The following CES3 variants were observed in gnomAD, a reference collection of about 807,000 sequenced individuals.
CES3 encodes the protein carboxylesterase 3 (brain).
Under a neutral mutation model 57.6 loss-of-function variants are expected in CES3, and 49 were observed. The observed-to-expected ratio is 0.85, with a 90% CI of 0.68 to 1.08. The LOEUF (loss-of-function observed/expected upper bound fraction) is 1.08. Among genes scored for constraint, CES3 ranks in the 50% least tolerant of loss-of-function variants. CES3 has a pLI of 0.00. For synonymous variants in CES3, 266 were observed against 281.6 expected (o/e 0.94, Z 0.55); for missense variants, 645 against 742.0 (o/e 0.87, Z 1.52).
Position 66,963,342 on chromosome 16 carries a change from GC to G in CES3, c.249del (p.Trp84GlyfsTer21), listed in dbSNP as rs1567555223. ...DRFSAPHPAQ[P>X]WEGVRDASTA... The stretch of plus-strand genomic sequence containing the variant: ...GGTTCTCAGCCCCACACCCAGCACA[GC>G]CCTGGGAGGGTGTGCGGGATGCCAG... On this transcript the variant is annotated frameshift_variant, in exon 2 of 13. Transcript: ENST00000303334. LOFTEE classifies it high-confidence loss of function. The surrounding 1 kb of genome is among the most constrained non-coding windows in gnomAD (Gnocchi z 4.9). 6.2e-7 allele frequency: 1 copy of G among 1,613,428 alleles called. No individual in the cohort carries two copies. Among genetic ancestry groups the G allele is most frequent in the East Asian group, 2.2e-5 (1 of 44,878 alleles).
In CES3 at chr16:66,971,328, G is replaced by C. The variant is rs746285692; in HGVS notation, c.1291+9G>C. 6.2e-7 allele frequency: 1 copy of C among 1,610,368 alleles called. No individual in the cohort carries two copies. Among genetic ancestry groups the C allele is most frequent in the South Asian group, 1.1e-5 (1 of 90,616 alleles). ...TTCAAGATACCTTCGAGGTAAGCCT[G>C]TCCCTGGCCACCTGCCCAACCCCTC... On this transcript the variant is annotated intron_variant, in intron 10 of 12. Coordinates refer to ENST00000303334, the MANE Select transcript of CES3 (RefSeq NM_024922.6).
At chr16:66,970,105 CTTTG>C (rs1320414781) in intron 9 of CES3, among the ~76,000 whole-genome samples, 19 of 143,298 alleles carry the variant, frequency 1.3e-4, no homozygotes, top group African/African-American at 4.9e-4. Flanking sequence ...CTTTTCTTTT[CTTTG>C]TTTTTTTTTT....
chr16:66,966,282 G>T lies in CES3; in HGVS notation c.858G>T (p.Pro286=). ...ANTLACSSSS[P]AEMVQCLQQK... is the part of the protein sequence containing the mutation. ...CCTTGGCCTGCAGCTCCAGCTCCCCGGCTGAGATGGTGCAGTGCCTTCAGC... is the reference window on the plus strand; with the variant it reads ...CCTTGGCCTGCAGCTCCAGCTCCCCTGCTGAGATGGTGCAGTGCCTTCAGC... The change falls in exon 7 of 13, where the codon CCG becomes CCT. Residue 286 remains proline (P), a synonymous_variant. Coordinates refer to ENST00000303334, the MANE Select transcript of CES3 (RefSeq NM_024922.6). 6.2e-7 allele frequency: 1 copy of T among 1,613,444 alleles called. No individual in the cohort carries two copies. The highest frequency in any genetic ancestry group is 1.1e-5 in the South Asian group (1 of 91,046).
At chr16:66,966,518 A>C (rs1055692409) in intron 7 of CES3, 173 bp downstream of exon 7, 194 of 820,902 alleles carry the variant, frequency 2.4e-4, no homozygotes, top group Non-Finnish European at 3.6e-4. Flanking sequence ...CCATCCCCAC[A>C]GCAGGCCTGT....
chr16:66,968,289 T>C (rs1211028), intron 8 of CES3, among the ~76,000 whole-genome samples: 1 of 152,064 alleles, frequency 6.6e-6, no homozygotes, highest in Non-Finnish European at 1.5e-5. Flanking sequence ...CTCAGCCTCC[T>C]GAGTAGCTGG....
chr16:66,964,768 C>G, intron 6 of CES3, 41 bp downstream of exon 6: 1 of 1,534,762 alleles, frequency 6.5e-7, no homozygotes, highest in Non-Finnish European at 9.0e-7. Flanking sequence ...GTGTGCCTCC[C>G]ATACCCCACT....
At position 66,963,309 on chromosome 16, in the gene CES3, C is replaced by G. The variant is rs2145529562; in HGVS notation, c.213C>G (p.Gly71=). 6.2e-7 allele frequency: 1 copy of G among 1,613,840 alleles called. No individual in the cohort carries two copies. Among genetic ancestry groups the G allele is most frequent in the Admixed American group, 1.7e-5 (1 of 60,030 alleles). Residue 71 remains glycine (G), a synonymous_variant, in exon 2 of 13, where the codon GGC becomes GGG. Transcript: ENST00000303334. The surrounding 1 kb of genome is among the most constrained non-coding windows in gnomAD (Gnocchi z 4.9). ...LGIPFAQPPL[G]PDRFSAPHPA... The stretch of plus-strand genomic sequence containing the variant: ...TTCCATTTGCCCAGCCGCCACTGGG[C>G]CCTGACCGGTTCTCAGCCCCACACC...
chr16:66,964,782 T>C, intron 6 of CES3, 55 bp downstream of exon 6: 2 of 1,443,202 alleles, frequency 1.4e-6, no homozygotes, highest in South Asian at 2.6e-5. Flanking sequence ...CCCCACTCTG[T>C]GCTGGCCCTG....
intron 10 of CES3, 91 bp downstream of exon 10, chr16:66,971,410 T>A: frequency 7.3e-7 from 1 of 1,374,678 alleles, no homozygotes. Context: ...AGGGTGCTGG[T>A]TCCCTCAATG....
rs980746979 is a variant in CES3, at chr16:66,975,078, C to T, written c.*2029C>T. ...GCTGCCTGAGCCAGCAGTGACAACC[C>T]CCCTCGGGTCCCCTCCCACGCCGTG... On this transcript the variant is annotated 3_prime_UTR_variant, in exon 13 of 13. Coordinates refer to ENST00000303334, the MANE Select transcript of CES3 (RefSeq NM_024922.6). 4.6e-5 allele frequency: 7 copies of T among 152,252 alleles called. No individual in the cohort carries two copies. Among genetic ancestry groups the T allele is most frequent in the Admixed American group, 1.3e-4 (2 of 15,274 alleles). 9.4% of individuals were successfully genotyped at this position (152,252 alleles called of 1,614,324 possible). A position where few individuals can be genotyped will look rare whatever the true frequency, so the allele number is the denominator to read the frequency against.
intron 9 of CES3, among the ~76,000 whole-genome samples, chr16:66,970,177 C>T (rs1257206686): frequency 6.7e-6 from 1 of 149,680 alleles, no homozygotes; most frequent in African/African-American, 2.5e-5. Flanking sequence ...GGCCCGATCT[C>T]GGCTCACCGC....
chr16:66,970,822 CT>C (rs1192328502), intron 9 of CES3, among the ~76,000 whole-genome samples: 1 of 152,220 alleles, frequency 6.6e-6, no homozygotes, highest in Non-Finnish European at 1.5e-5. Flanking sequence ...AGGGGAGCCC[CT>C]ATCATTTCTG....
At position 66,963,882 on chromosome 16, in the gene CES3, G is replaced by A. The variant is rs2145530659; in HGVS notation, c.507G>A (p.Gly169=). The change falls in exon 4 of 13, where the codon GGG becomes GGA. Residue 169 remains glycine (G), a synonymous_variant. Transcript: ENST00000303334. The surrounding 1 kb of genome is among the most constrained non-coding windows in gnomAD (Gnocchi z 4.9). ...ATGGATCAGCTCTGGCTGCCTATGG[G>A]GATGTGGTCGTGGTTACAGTCCAGT... ...SYDGSALAAY[G]DVVVVTVQYR... 2.5e-6 allele frequency: 4 copies of A among 1,614,198 alleles called. No individual in the cohort carries two copies. The East Asian group carries it at 8.9e-5, about 36-fold the overall frequency.
intron 10 of CES3, 25 bp from the exon 11 acceptor site, chr16:66,972,331 C>T: frequency 6.4e-7 from 1 of 1,560,516 alleles, no homozygotes; most frequent in Non-Finnish European, 8.7e-7. Flanking sequence ...GAGTGCCTAA[C>T]TCCCATCCCA....
intron 1 of CES3, among the ~76,000 whole-genome samples, chr16:66,962,206 G>A (rs1963659834): frequency 6.6e-6 from 1 of 152,214 alleles, no homozygotes; most frequent in African/African-American, 2.4e-5. Flanking sequence ...ATGGCTGGTG[G>A]ATGGCAGCCA....
At chr16:66,968,181 T>C (rs545379661) in intron 8 of CES3, among the ~76,000 whole-genome samples, 8 of 152,134 alleles carry the variant, frequency 5.3e-5, no homozygotes, top group Non-Finnish European at 7.4e-5. Context: ...GTTTTTGAGA[T>C]GGAGTTTTGC....
At chr16:66,964,306 G>A (rs1963698180) in intron 4 of CES3, 51 bp from the exon 5 acceptor site, 3 of 1,595,654 alleles carry the variant, frequency 1.9e-6, no homozygotes, top group South Asian at 1.1e-5. Flanking sequence ...AACCTGCAGA[G>A]GCTGGCGAGG....
intron 7 of CES3, 30 bp from the exon 8 acceptor site, chr16:66,966,695 G>T (rs912882114): frequency 6.2e-7 from 1 of 1,613,144 alleles, no homozygotes. Context: ...GCCCTAACTT[G>T]GGAGCCTCCT....
chr16:66,970,384 G>A (rs1015879128), intron 9 of CES3, among the ~76,000 whole-genome samples: 8 of 152,158 alleles, frequency 5.3e-5, no homozygotes, highest in South Asian at 4.1e-4. Context: ...CTGGGATTGC[G>A]AGCGTGGAGC....
Sources: allele counts gnomAD v4.1 joint callset (sites outside exome capture counted in the v4.1 genomes callset), GRCh38; gene constraint gnomAD v4.1.1; non-coding constraint Gnocchi (gnomAD v3.1); transcripts MANE v1.5; gene names NCBI Gene and HGNC (gene_info 2026-07-23, HGNC 2026-07-21).